KRT84: variants seen among roughly 807,000 people sequenced by gnomAD.
The protein encoded by KRT84 is keratin, type II cuticular Hb4.
KRT84 carries 38 observed loss-of-function variants against 49.0 expected under a neutral mutation model. That is an observed-to-expected ratio of 0.78 (90% confidence interval 0.60 to 1.02). KRT84 has a LOEUF of 1.02. KRT84 is among the 50% of genes least tolerant of loss of function. KRT84 has a pLI of 0.00. For synonymous variants in KRT84, 334 were observed against 312.8 expected, an observed-to-expected ratio of 1.07 and a Z score of -0.72; for missense variants, 860 against 788.6, an observed-to-expected ratio of 1.09 and a Z score of -1.08.
intron 2 of KRT84, 130 bp downstream of exon 2, chr12:52,383,460 C>T (rs1408047911): frequency 3.2e-6 from 2 of 615,910 alleles, no homozygotes; most frequent in Admixed American, 6.3e-5. Flanking sequence ...CCCACCCCCA[C>T]CTCCCCAGGC....
chr12:52,378,983 GC>G (rs1286281298), intron 8 of KRT84, among the ~76,000 whole-genome samples: 2 of 152,152 alleles, frequency 1.3e-5, no homozygotes, highest in African/African-American at 4.8e-5. Context: ...ACTCTTTCCT[GC>G]CCTTTCATCT....
Position 52,378,395 on chromosome 12 carries a change from A to G in KRT84, c.1457-15T>C. ...GCTGCTGACGGCTGCGGAGAAAGAA[A>G]GCATCAGGGAGGCTGCCGACACCAG... On this transcript the variant is annotated splice_polypyrimidine_tract_variant and intron_variant, in intron 8 of 8. Coordinates refer to ENST00000257951, the MANE Select transcript of KRT84 (RefSeq NM_033045.4). The G allele has an allele frequency of 6.9e-7, 1 of 1,441,726 alleles. No homozygotes were observed. The highest frequency in any genetic ancestry group is 9.1e-7 in the Non-Finnish European group (1 of 1,100,670). 89.3% of individuals were successfully genotyped at this position (1,441,726 alleles called of 1,614,324 possible). A position where few individuals can be genotyped will look rare whatever the true frequency, so the allele number is the denominator to read the frequency against.
intron 2 of KRT84, 53 bp from the exon 3 acceptor site, chr12:52,383,118 A>G (rs1939512471): frequency 2.1e-6 from 3 of 1,415,758 alleles, no homozygotes; most frequent in Admixed American, 3.3e-5. Context: ...AGAGGCAGTT[A>G]CTCCCAACTC....
At chr12:52,381,601 G>T in intron 4 of KRT84, 76 bp from the exon 5 acceptor site, 1 of 1,464,766 alleles carries the variant, frequency 6.8e-7, no homozygotes, top group Non-Finnish European at 9.4e-7. Context: ...AGGGGGCCCA[G>T]GAAGTGGTGC....
At chr12:52,382,911 A>G in intron 3 of KRT84, 94 bp downstream of exon 3, 1 of 1,008,660 alleles carries the variant, frequency 9.9e-7, no homozygotes, top group Non-Finnish European at 1.6e-6. Context: ...GTAGTCCCAG[A>G]CTCCACAGGG....
At chr12:52,379,805 G>GT in intron 8 of KRT84, 71 bp downstream of exon 8, 3 of 1,327,078 alleles carry the variant, frequency 2.3e-6, no homozygotes, top group Non-Finnish European at 2.2e-6. Context: ...CCTGACCCCA[G>GT]TGTGAGCCTG....
intron 4 of KRT84, 71 bp from the exon 5 acceptor site, chr12:52,381,596 G>C: frequency 6.7e-7 from 1 of 1,503,336 alleles, no homozygotes; most frequent in South Asian, 1.2e-5. Flanking sequence ...GCCACAGGGG[G>C]CCCAGGAAGT....
intron 6 of KRT84, 103 bp downstream of exon 6, chr12:52,380,977 T>C: frequency 2.0e-6 from 3 of 1,466,300 alleles, no homozygotes; most frequent in Non-Finnish European, 2.8e-6. Context: ...CCTTGGTTTC[T>C]GGGTCTTGAT....
At chr12:52,381,578 G>A in intron 4 of KRT84, 53 bp from the exon 5 acceptor site, 1 of 1,576,310 alleles carries the variant, frequency 6.3e-7, no homozygotes, top group South Asian at 1.2e-5. Context: ...TTTAGTAGCT[G>A]GGACTCTGCC....
At chr12:52,380,006 G>T in intron 7 of KRT84, 99 bp from the exon 8 acceptor site, 3 of 1,049,326 alleles carry the variant, frequency 2.9e-6, no homozygotes, top group Admixed American at 3.8e-5. Context: ...GATCTGTGGA[G>T]CAGTAGTTCT....
rs747389494 is a variant in KRT84, at chr12:52,380,567, G to A, written c.1220C>T (p.Ala407Val). ...HAKAQRAKLE[A>V]AVAEAEQQGE... is the part of the protein sequence containing the mutation. ...CTGCTGCTCGGCCTCGGCCACTGCAGCCTCCAACTTGGCACGCTGCAGGGA... is the reference window on the plus strand; with the variant it reads ...CTGCTGCTCGGCCTCGGCCACTGCAACCTCCAACTTGGCACGCTGCAGGGA... The change falls in exon 7 of 9, where the codon GCT becomes GTT. Residue 407 changes from alanine (A) to valine (V), a missense_variant. Coordinates refer to ENST00000257951, the MANE Select transcript of KRT84 (RefSeq NM_033045.4). 2 of 1,612,462 alleles carry A rather than the reference G, an allele frequency of 1.2e-6. No individual in the cohort carries two copies. The highest frequency in any genetic ancestry group is 1.7e-6 in the Non-Finnish European group (2 of 1,179,260).
rs181478901 is a variant in KRT84 at position 52,381,650 on chromosome 12, C to A, written c.913-125G>T. ...CATCACTCATTGGTTCATAAAAAAGCAAGACCATCTAAATTGATGATAAAG... is the reference window on the plus strand; with the variant it reads ...CATCACTCATTGGTTCATAAAAAAGAAAGACCATCTAAATTGATGATAAAG... On this transcript the variant is annotated intron_variant, in intron 4 of 8. Coordinates refer to ENST00000257951, the MANE Select transcript of KRT84 (RefSeq NM_033045.4). 5.5e-5 allele frequency: 50 copies of A among 906,602 alleles called. No homozygotes were observed. In the Admixed American group the frequency reaches 1.1e-3, roughly 20 times the overall value. The allele number at this position is 906,602 out of a possible 1,614,324, so 56.2% of individuals were successfully genotyped here. A position where few individuals can be genotyped will look rare whatever the true frequency, so the allele number is the denominator to read the frequency against.
chr12:52,385,914 A>G (rs1939567788), upstream of KRT84, among the ~76,000 whole-genome samples: 1 of 152,210 alleles, frequency 6.6e-6, no homozygotes, highest in African/African-American at 2.4e-5. Context: ...TAAGTCTACC[A>G]CAATTGCCAT....
At position 52,379,918 on chromosome 12, in the gene KRT84, G is replaced by A. The variant is rs1791611; in HGVS notation, c.1425-11C>T. The A allele has an allele frequency of 0.23, 366,855 of 1,605,542 alleles. 48,036 individuals carry two copies. The highest frequency in any genetic ancestry group is 0.57 in the African/African-American group (42,576 of 74,588). Reference sequence around the variant, plus strand: ...ACACCTTCACAGAGCCTGGAAAGGGGAAGAAACAAATCATTTCACATGCAC... The same window carrying A: ...ACACCTTCACAGAGCCTGGAAAGGGAAAGAAACAAATCATTTCACATGCAC... On this transcript the variant is annotated splice_polypyrimidine_tract_variant and intron_variant, in intron 7 of 8. Coordinates refer to ENST00000257951, the MANE Select transcript of KRT84 (RefSeq NM_033045.4).
At chr12:52,381,261 C>T in intron 5 of KRT84, 56 bp from the exon 6 acceptor site, 1 of 1,610,382 alleles carries the variant, frequency 6.2e-7, no homozygotes, top group Non-Finnish European at 8.5e-7. Context: ...GATCACAGCC[C>T]CCACTGAGTT....
chr12:52,378,210 TG>T lies in KRT84; in HGVS notation c.1626del (p.Thr543LeufsTer5). The T allele has an allele frequency of 6.4e-7, 1 of 1,573,000 alleles. No homozygotes were observed. Among genetic ancestry groups the T allele is most frequent in the Non-Finnish European group, 8.6e-7 (1 of 1,160,424 alleles). On this transcript the variant is annotated frameshift_variant, in exon 9 of 9. Coordinates refer to ENST00000257951, the MANE Select transcript of KRT84 (RefSeq NM_033045.4). LOFTEE classifies it low-confidence loss of function (END_TRUNC). Reference protein sequence around the residue: ...PSLGGARVAPATGDLLSTGTR... With the variant: ...PSLGGARVAPXTGDLLSTGTR... Reference sequence around the variant, plus strand: ...GTGCCAGTGCTCAGCAGGTCCCCAGTGGCCGGGGCGACCCGGGCTCCACCCA... The same window carrying T: ...GTGCCAGTGCTCAGCAGGTCCCCAGTGCCGGGGCGACCCGGGCTCCACCCA...
chr12:52,380,306 A>C, intron 7 of KRT84, 57 bp downstream of exon 7: 1 of 1,591,326 alleles, frequency 6.3e-7, no homozygotes, highest in South Asian at 1.1e-5. Context: ...TCTCTTCCTT[A>C]GTCTTTCTAG....
At chr12:52,382,645 G>A (rs1368108853) in intron 3 of KRT84, 113 bp from the exon 4 acceptor site, 4 of 824,750 alleles carry the variant, frequency 4.8e-6, no homozygotes, top group East Asian at 5.1e-5. Flanking sequence ...TGGTAAGGTC[G>A]CTGGGTAGAA....
At chr12:52,379,417 C>T (rs772888209) in intron 8 of KRT84, among the ~76,000 whole-genome samples, 21 of 152,218 alleles carry the variant, frequency 1.4e-4, no homozygotes, top group Non-Finnish European at 2.8e-4. Flanking sequence ...CCCCAGACTG[C>T]CATGCCCGGC....
Sources: gnomAD v4.1 joint callset for allele counts (sites outside exome capture counted in the v4.1 genomes callset) on GRCh38, gnomAD v4.1.1 for gene constraint, MANE v1.5 for transcripts, NCBI Gene and HGNC (gene_info 2026-07-23, HGNC 2026-07-21) for gene names.